Variants in TMEM53 observed in about 807,000 individuals in gnomAD.
TMEM53 encodes novel DUF829 domain-containing protein.
In TMEM53, 14 loss-of-function variants were observed where a neutral mutation model predicts 21.4. The ratio of observed to expected loss-of-function variants is 0.65; its 90% CI spans 0.43 to 1.02. The LOEUF (loss-of-function observed/expected upper bound fraction) is 1.02. TMEM53 is among the 50% of genes least tolerant of loss of function. The pLI, the probability that TMEM53 is intolerant of heterozygous loss-of-function variation, is 0.00. For synonymous variants in TMEM53, 148 were observed against 157.4 expected (o/e 0.94, Z 0.45); for missense variants, 323 against 383.6 (o/e 0.84, Z 1.32).
intron 2 of TMEM53, among the ~76,000 whole-genome samples, chr1:44,658,502 CT>C (rs1644870033): frequency 6.6e-6 from 1 of 152,150 alleles, no homozygotes; most frequent in African/African-American, 2.4e-5. Context: ...TCTAAACTCA[CT>C]TCTGGCTTCC....
chr1:44,655,138 TGAAGG>T lies in TMEM53; in HGVS notation c.250_254del (p.Pro84ThrfsTer14). ...GCAGCTTCTGGGCCAAAACACGAAG[TGAAGG>T]GATACCCAGTGACTCGGAGAAGAAG... On this transcript the variant is annotated frameshift_variant, in exon 3 of 3. Coordinates refer to ENST00000372237, the MANE Select transcript of TMEM53 (RefSeq NM_024587.4). LOFTEE classifies it high-confidence loss of function. This position sits in a 1 kb window ranked among gnomAD's most constrained non-coding sequence, Gnocchi z 4.4. 6.2e-7 allele frequency: 1 copy of T among 1,614,078 alleles called. No individual in the cohort carries two copies. Among genetic ancestry groups the T allele is most frequent in the Non-Finnish European group, 8.5e-7 (1 of 1,180,012 alleles).
At chr1:44,656,139 C>T (rs779574849) in intron 2 of TMEM53, among the ~76,000 whole-genome samples, 2 of 152,022 alleles carry the variant, frequency 1.3e-5, no homozygotes, top group Non-Finnish European at 1.5e-5. Flanking sequence ...CAGACAGGTC[C>T]GGGTTCAACT....
At chr1:44,668,197 C>T (rs1282356626) in intron 1 of TMEM53, among the ~76,000 whole-genome samples, 3 of 152,096 alleles carry the variant, frequency 2.0e-5, no homozygotes, top group African/African-American at 4.8e-5. Context: ...AATCCCAGCA[C>T]TTTGGGAGGC....
chr1:44,672,278 G>A (rs1356297138), intron 1 of TMEM53, among the ~76,000 whole-genome samples: 2 of 152,250 alleles, frequency 1.3e-5, no homozygotes, highest in Non-Finnish European at 2.9e-5. Context: ...GAAATGTGAA[G>A]GCACGAAGCT....
At chr1:44,673,900 G>A (rs1645046408) in intron 1 of TMEM53, 1 of 985,302 alleles carries the variant, frequency 1.0e-6, no homozygotes, top group South Asian at 4.7e-5. Flanking sequence ...CCGGGCTTCT[G>A]CGAGGATCGG....
At chr1:44,656,895 C>G (rs1267365826) in intron 2 of TMEM53, among the ~76,000 whole-genome samples, 1 of 152,100 alleles carries the variant, frequency 6.6e-6, no homozygotes, top group African/African-American at 2.4e-5. Context: ...GCCTCTAATC[C>G]CAGACACCTG....
intron 1 of TMEM53, among the ~76,000 whole-genome samples, chr1:44,666,161 A>G (rs1644947032): frequency 6.6e-6 from 1 of 152,242 alleles, no homozygotes; most frequent in Non-Finnish European, 1.5e-5. Flanking sequence ...TAGGGAAATC[A>G]AAATCAAAGC....
At chr1:44,659,034 A>G (rs921820826) in intron 2 of TMEM53, among the ~76,000 whole-genome samples, 1 of 152,178 alleles carries the variant, frequency 6.6e-6, no homozygotes, top group Non-Finnish European at 1.5e-5. Context: ...AAGCCAGACA[A>G]GCCGAGCCCA....
intron 1 of TMEM53, among the ~76,000 whole-genome samples, chr1:44,673,143 T>C (rs1444775371): frequency 6.6e-6 from 1 of 152,222 alleles, no homozygotes; most frequent in Non-Finnish European, 1.5e-5. Flanking sequence ...TTTTTACATC[T>C]ATAAACCCAA....
At chr1:44,662,541 G>A (rs554141000) in intron 1 of TMEM53, among the ~76,000 whole-genome samples, 2 of 152,272 alleles carry the variant, frequency 1.3e-5, no homozygotes, top group South Asian at 2.1e-4. Flanking sequence ...CTCAGGCTGC[G>A]GCGGCCTCAT....
At chr1:44,674,157 C>T in intron 1 of TMEM53, 174 bp downstream of exon 1, 5 of 985,298 alleles carry the variant, frequency 5.1e-6, no homozygotes, top group Non-Finnish European at 6.0e-6. Flanking sequence ...TGGGGCGGGA[C>T]TTACGAGGGG....
rs1356853622 is a variant in TMEM53 at position 44,654,385 on chromosome 1, C to T, written c.*174G>A. 4 of 704,090 alleles carry T rather than the reference C, an allele frequency of 5.7e-6. No homozygotes were observed. The highest frequency in any genetic ancestry group is 1.8e-5 in the African/African-American group (1 of 56,014). The allele number at this position is 704,090 out of a possible 1,614,324, so 43.6% of individuals were successfully genotyped here. On this transcript the variant is annotated 3_prime_UTR_variant, in exon 3 of 3. Transcript: ENST00000372237. This position sits in a 1 kb window ranked among gnomAD's most constrained non-coding sequence, Gnocchi z 7.0. ...CCTTAGGATTCTGTGGTAAGCAGAC[C>T]ACCAGCAGACAGAGGCCCCCAGGAG... is the stretch of plus-strand genomic sequence containing the variant.
At chr1:44,667,452 C>T (rs1011808242) in intron 1 of TMEM53, among the ~76,000 whole-genome samples, 2 of 151,806 alleles carry the variant, frequency 1.3e-5, no homozygotes, top group East Asian at 1.9e-4. Context: ...GGATTACAGG[C>T]GCCCACCATC....
At position 44,660,280 on chromosome 1, in the gene TMEM53, G is replaced by T; in HGVS notation, c.77C>A (p.Pro26Gln). 6.2e-7 allele frequency: 1 copy of T among 1,613,702 alleles called. No individual in the cohort carries two copies. ...CCGAGTTTCTGCCTCCTTCCCACCT[G>T]GGCTGGGGCTGTTCTCTGAAACACA... ...PCWSQKNSPS[P>Q]GGKEAETRQP... is the part of the protein sequence containing the mutation. The change falls in exon 2 of 3, where the codon CCA becomes CAA. Residue 26 changes from proline to glutamine, a missense_variant. Around this residue, in one of 3 missense-constraint regions of TMEM53, gnomAD observed 49 missense variants for 32.9 expected, o/e 1.49. Coordinates refer to ENST00000372237, the MANE Select transcript of TMEM53 (RefSeq NM_024587.4).
At chr1:44,673,016 A>G (rs1645023005) in intron 1 of TMEM53, among the ~76,000 whole-genome samples, 1 of 152,246 alleles carries the variant, frequency 6.6e-6, no homozygotes, top group Admixed American at 6.5e-5. Context: ...CAGGACCACG[A>G]GGCTGCCCTC....
intron 1 of TMEM53, among the ~76,000 whole-genome samples, chr1:44,669,281 T>C (rs1166711607): frequency 6.6e-6 from 1 of 152,240 alleles, no homozygotes; most frequent in East Asian, 1.9e-4. Flanking sequence ...TTTTAGTGGC[T>C]TCAGAGAGGC....
In TMEM53 at chr1:44,654,051, TG is replaced by T. The variant is rs1455184987; in HGVS notation, c.*507del. 1 of 152,722 alleles carries T rather than the reference TG, an allele frequency of 6.5e-6. No homozygotes were observed. The highest frequency in any genetic ancestry group is 2.4e-5 in the African/African-American group (1 of 41,386). The allele number at this position is 152,722 out of a possible 1,614,324, so 9.5% of individuals were successfully genotyped here. On this transcript the variant is annotated 3_prime_UTR_variant, in exon 3 of 3. Coordinates refer to ENST00000372237, the MANE Select transcript of TMEM53 (RefSeq NM_024587.4). This position sits in a 1 kb window ranked among gnomAD's most constrained non-coding sequence, Gnocchi z 7.0. The stretch of plus-strand genomic sequence containing the variant: ...CTGAGGTGGGAGGATCACTTGAGCC[TG>T]GGAGGTTGAGGCTGCAGTGAGCCAT...
At position 44,656,282 on chromosome 1, in the gene TMEM53, A is replaced by G. The variant is rs116342422; in HGVS notation, c.184-1073T>C. On this transcript the variant is annotated intron_variant, in intron 2 of 2. Coordinates refer to ENST00000372237, the MANE Select transcript of TMEM53 (RefSeq NM_024587.4). ...ATAAGGTTATGGGTAAAATTAGATG[A>G]AAAAAAATGTATCTCAAATGATCAA... is the stretch of plus-strand genomic sequence containing the variant. 5.8e-3 allele frequency among the ~76,000 whole-genome samples: 881 copies of G among 151,762 alleles called. 8 individuals are homozygous for G. Among genetic ancestry groups the G allele is most frequent in the African/African-American group, 0.019 (776 of 41,134 alleles).
intron 1 of TMEM53, among the ~76,000 whole-genome samples, chr1:44,667,496 C>T (rs1462540386): frequency 6.6e-6 from 1 of 151,688 alleles, no homozygotes; most frequent in Non-Finnish European, 1.5e-5. Context: ...TCAGTAGAAA[C>T]GGGGTTTCAC....
Sources: gnomAD v4.1 joint callset for allele counts (sites outside exome capture counted in the v4.1 genomes callset) on GRCh38, gnomAD v4.1.1 for gene constraint, gnomAD v4.1.1 regional missense constraint, Gnocchi (gnomAD v3.1) non-coding constraint, MANE v1.5 for transcripts, NCBI Gene and HGNC (gene_info 2026-07-23, HGNC 2026-07-21) for gene names.